The following TACR2 variants were observed in gnomAD, a reference collection of about 807,000 sequenced individuals.
The protein encoded by TACR2 is tachykinin receptor 2.
In TACR2, 24 loss-of-function variants were observed where a neutral mutation model predicts 28.9. That is an observed-to-expected ratio of 0.83 (90% confidence interval 0.60 to 1.17). The LOEUF (loss-of-function observed/expected upper bound fraction) is 1.17, where lower values mean the gene tolerates loss of function less well. Ranked by LOEUF, TACR2 falls within the 50% of genes most tolerant of loss-of-function variation. The pLI is 0.00. For missense variants in TACR2, 487 were observed against 524.4 expected, an observed-to-expected ratio of 0.93 and a Z score of 0.70; for synonymous variants, 222 against 212.6, an observed-to-expected ratio of 1.04 and a Z score of -0.38.
At chr10:69,407,045 G>A in intron 4 of TACR2, 39 bp downstream of exon 4, 1 of 1,607,134 alleles carries the variant, frequency 6.2e-7, no homozygotes, top group Non-Finnish European at 8.5e-7. Context: ...GGGCAGTGGG[G>A]CCCTGAGGGC....
chr10:69,411,142 A>G (rs2133009122), intron 2 of TACR2, among the ~76,000 whole-genome samples: 1 of 152,126 alleles, frequency 6.6e-6, no homozygotes, highest in Admixed American at 6.5e-5. Context: ...TACTGGGAGG[A>G]CTGAGGTGTT....
intron 3 of TACR2, among the ~76,000 whole-genome samples, chr10:69,407,537 C>T (rs1188056399): frequency 7.2e-5 from 11 of 152,240 alleles, no homozygotes; most frequent in African/African-American, 2.4e-4. Context: ...TGAAGCCCAG[C>T]TCAATGGCCA....
intron 4 of TACR2, among the ~76,000 whole-genome samples, chr10:69,405,455 A>G (rs542317671): frequency 1.3e-5 from 2 of 152,206 alleles, no homozygotes; most frequent in African/African-American, 4.8e-5. Context: ...GGATGAGTCA[A>G]AGAAGAACCT....
rs1485004960 is a variant in TACR2, at chr10:69,409,079, C to A, written c.588-4G>T. The A allele has an allele frequency of 5.0e-6, 8 of 1,597,316 alleles. No individual in the cohort carries two copies. The South Asian group carries it at 9.0e-5, about 18-fold the overall frequency. On this transcript the variant is annotated splice_polypyrimidine_tract_variant and splice_region_variant and intron_variant, in intron 2 of 4. Coordinates refer to ENST00000373306, the MANE Select transcript of TACR2 (RefSeq NM_001057.3). ...GGCGATCACCACGAGGTGGTACCTG[C>A]AGGGAGAGCCGAGGCCTGGGCAGCG...
chr10:69,414,832 A>G, intron 2 of TACR2, 113 bp downstream of exon 2: 1 of 1,189,422 alleles, frequency 8.4e-7, no homozygotes, highest in Non-Finnish European at 1.2e-6. Flanking sequence ...GTGTACACCC[A>G]TGCATGCACA....
In TACR2 at chr10:69,407,261, A is replaced by C. The variant is rs1293614534; in HGVS notation, c.761T>G (p.Leu254Arg). The C allele has an allele frequency of 1.2e-6, 2 of 1,612,942 alleles. No homozygotes were observed. Among genetic ancestry groups the C allele is most frequent in the Non-Finnish European group, 1.7e-6 (2 of 1,179,418 alleles). ...GCAGATGGCAAACGTCAGCACCACC[A>C]GCACCATGGTCTTCACAAACTGGTC... ...AMKKFVKTMV[L>R]VVLTFAICWL... Residue 254 changes from leucine (L) to arginine (R), a missense_variant, in exon 4 of 5, where the codon CTG becomes CGG. Leu to Arg is a moderately radical substitution (Grantham distance 102). Coordinates refer to ENST00000373306, the MANE Select transcript of TACR2 (RefSeq NM_001057.3).
chr10:69,410,286 A>G (rs4369300), intron 2 of TACR2, among the ~76,000 whole-genome samples: 1 of 151,424 alleles, frequency 6.6e-6, no homozygotes, highest in Non-Finnish European at 1.5e-5. Context: ...GGAGACCAGG[A>G]TGGGAGGACT....
At chr10:69,409,372 T>G in intron 2 of TACR2, 1 of 258,684 alleles carries the variant, frequency 3.9e-6, no homozygotes, top group Non-Finnish European at 7.3e-6. Flanking sequence ...TGAAACAAAT[T>G]AAGAAATAAT....
At chr10:69,409,916 T>TATATATATATATAC (rs1840552621) in intron 2 of TACR2, among the ~76,000 whole-genome samples, 5 of 31,546 alleles carry the variant, frequency 1.6e-4, no homozygotes, top group Admixed American at 1.2e-3. Context: ...TATATATATA[T>TATATATATATATAC]ATATATATAT....
intron 3 of TACR2, 87 bp from the exon 4 acceptor site, chr10:69,407,367 C>T: frequency 7.5e-7 from 1 of 1,331,366 alleles, no homozygotes; most frequent in Non-Finnish European, 1.0e-6. Flanking sequence ...CCCCTTGCAC[C>T]CACCTGGGAA....
Position 69,416,225 on chromosome 10 carries a change from C to T in TACR2, c.99G>A (p.Leu33=). The T allele has an allele frequency of 6.2e-7, 1 of 1,614,002 alleles. No homozygotes were observed. Among genetic ancestry groups the T allele is most frequent in the Non-Finnish European group, 8.5e-7 (1 of 1,179,914 alleles). ...CCAGGTAGGCTGTGGCCCACAGTGC[C>T]AGTTGCCAGCTGGGCATGGAGAAGG... ...ITAFSMPSWQ[L]ALWATAYLAL... is the part of the protein sequence containing the mutation. Residue 33 remains leucine, a synonymous_variant, in exon 1 of 5, where the codon CTG becomes CTA. Transcript: ENST00000373306.
rs1429806039 is a variant in TACR2 at position 69,404,187 on chromosome 10, A to G, written c.*639T>C. On this transcript the variant is annotated 3_prime_UTR_variant, in exon 5 of 5. Transcript: ENST00000373306. ...CTTGCATCTCTTAAATTAGATAAAT[A>G]TCAGCTTACACTGTCTTTTCTGACC... The G allele has an allele frequency of 6.6e-6, 1 of 152,242 alleles. No individual in the cohort carries two copies. Among genetic ancestry groups the G allele is most frequent in the Non-Finnish European group, 1.5e-5 (1 of 68,054 alleles). The allele number at this position is 152,242 out of a possible 1,614,324, so 9.4% of individuals were successfully genotyped here. A position where few individuals can be genotyped will look rare whatever the true frequency, so the allele number is the denominator to read the frequency against.
intron 2 of TACR2, among the ~76,000 whole-genome samples, chr10:69,413,128 T>C (rs1477069551): frequency 6.6e-6 from 1 of 152,066 alleles, no homozygotes; most frequent in Non-Finnish European, 1.5e-5. Flanking sequence ...TGGGGGTGTG[T>C]GCGCATGTTC....
chr10:69,406,223 T>A (rs1378950698), intron 4 of TACR2, among the ~76,000 whole-genome samples: 1 of 152,178 alleles, frequency 6.6e-6, no homozygotes, highest in Non-Finnish European at 1.5e-5. Context: ...CCCACATCAT[T>A]GTCTCACTGA....
At chr10:69,412,720 G>A (rs1198989222) in intron 2 of TACR2, among the ~76,000 whole-genome samples, 2 of 152,186 alleles carry the variant, frequency 1.3e-5, no homozygotes, top group Non-Finnish European at 2.9e-5. Flanking sequence ...TCCTTCCTTA[G>A]CAGGAGCCAC....
chr10:69,410,555 TC>T (rs1840561967), intron 2 of TACR2, among the ~76,000 whole-genome samples: 1 of 150,358 alleles, frequency 6.7e-6, no homozygotes, highest in Admixed American at 6.7e-5. Flanking sequence ...TGTCCCCAGT[TC>T]TCAGATCTCT....
At chr10:69,405,453 C>A (rs1028215419) in intron 4 of TACR2, among the ~76,000 whole-genome samples, 1 of 152,158 alleles carries the variant, frequency 6.6e-6, no homozygotes, top group Non-Finnish European at 1.5e-5. Context: ...AGGGATGAGT[C>A]AAAGAAGAAC....
At chr10:69,415,649 CAGA>C (rs1472930698) in intron 1 of TACR2, among the ~76,000 whole-genome samples, 3 of 152,218 alleles carry the variant, frequency 2.0e-5, no homozygotes, top group Non-Finnish European at 4.4e-5. Context: ...AAGAACACTT[CAGA>C]AGGTCGCTAA....
At chr10:69,408,897 T>A in intron 3 of TACR2, 25 bp downstream of exon 3, 29 of 94,374 alleles carry the variant, frequency 3.1e-4, no homozygotes, top group Non-Finnish European at 3.7e-4. Flanking sequence ...CCCCGCCCCC[T>A]CCAGGCCCCC....
Sources: gnomAD v4.1 joint callset for allele counts (sites outside exome capture counted in the v4.1 genomes callset) on GRCh38, gnomAD v4.1.1 for gene constraint, MANE v1.5 for transcripts, NCBI Gene and HGNC (gene_info 2026-07-23, HGNC 2026-07-21) for gene names.